The following PSMD2 variants were observed in gnomAD, a reference collection of about 807,000 sequenced individuals.
PSMD2 encodes 26S proteasome non-ATPase regulatory subunit 2.
PSMD2 carries 8 observed loss-of-function variants against 101.5 expected under a neutral mutation model. The observed-to-expected ratio is 0.08, with a 90% CI of 0.05 to 0.14. The LOEUF (loss-of-function observed/expected upper bound fraction) is 0.14, where lower values mean the gene tolerates loss of function less well. Among genes scored for constraint, PSMD2 ranks in the 10% least tolerant of loss-of-function variants. PSMD2 has a pLI of 1.00. For missense variants in PSMD2, 784 were observed against 1,147.4 expected, an observed-to-expected ratio of 0.68 and a Z score of 4.58; for synonymous variants, 418 against 433.8, an observed-to-expected ratio of 0.96 and a Z score of 0.45.
chr3:184,306,160 G>T lies in PSMD2; in HGVS notation c.1804+5G>T, dbSNP rs768574591. On this transcript the variant is annotated splice_donor_5th_base_variant and intron_variant, in intron 14 of 20. Coordinates refer to ENST00000310118, the MANE Select transcript of PSMD2 (RefSeq NM_002808.5). ...TGGATGTGTGTGCATATGCAGGTCTGTGTCTTTATGAGTCTGTCTTGTGCT... is the reference window on the plus strand; with the variant it reads ...TGGATGTGTGTGCATATGCAGGTCTTTGTCTTTATGAGTCTGTCTTGTGCT... 5.6e-6 allele frequency: 9 copies of T among 1,613,986 alleles called. No homozygotes were observed. Among genetic ancestry groups the T allele is most frequent in the Admixed American group, 5.0e-5 (3 of 60,008 alleles).
chr3:184,299,435 C>T, intron 1 of PSMD2, 34 bp downstream of exon 1: 1 of 1,328,744 alleles, frequency 7.5e-7, no homozygotes, highest in South Asian at 1.9e-5. Context: ...GCGAAGGAGG[C>T]TGCGGGGCTG....
At chr3:184,307,588 A>G in intron 17 of PSMD2, 26 bp from the exon 18 acceptor site, 1 of 1,613,874 alleles carries the variant, frequency 6.2e-7, no homozygotes, top group Admixed American at 1.7e-5. Context: ...CCCTTTTTTC[A>G]CTTCTGTAAT....
rs751267908 is a variant in PSMD2 at position 184,304,114 on chromosome 3, G to A, written c.1451+40G>A. On this transcript the variant is annotated intron_variant, in intron 11 of 20. Coordinates refer to ENST00000310118, the MANE Select transcript of PSMD2 (RefSeq NM_002808.5). The surrounding 1 kb of genome is among the most constrained non-coding windows in gnomAD (Gnocchi z 4.1). ...TTGTCTTTCTGGTAGTGCTCAGCCT[G>A]TACACTCTGGAGAACAGGAACTGGG... 1.2e-6 allele frequency: 2 copies of A among 1,611,356 alleles called. No individual in the cohort carries two copies. Among genetic ancestry groups the A allele is most frequent in the Admixed American group, 1.7e-5 (1 of 60,020 alleles).
rs186316019 is a variant in PSMD2, at chr3:184,308,624, C to G, written c.2544+57C>G. On this transcript the variant is annotated intron_variant, in intron 20 of 20. Coordinates refer to ENST00000310118, the MANE Select transcript of PSMD2 (RefSeq NM_002808.5). The surrounding 1 kb of genome is among the most constrained non-coding windows in gnomAD (Gnocchi z 6.0). ...CTGTATTCTCAAACTGGAGAATGTA[C>G]ATATACTTGCTTTGCTGAAACTGGC... 2 of 1,584,164 alleles carry G rather than the reference C, an allele frequency of 1.3e-6. No homozygotes were observed. The highest frequency in any genetic ancestry group is 1.7e-5 in the Admixed American group (1 of 59,214).
At position 184,300,388 on chromosome 3, in the gene PSMD2, C is replaced by T. The variant is rs760497021; in HGVS notation, c.301C>T (p.Pro101Ser). Residue 101 changes from proline to serine, a missense_variant, in exon 3 of 21, where the codon CCA becomes TCA. Transcript: ENST00000310118. ...GCCCAAGCCTCTCAAATTTCTGCGTCCACACTATGGCAAACTGAAGGAAAT... is the reference window on the plus strand; with the variant it reads ...GCCCAAGCCTCTCAAATTTCTGCGTTCACACTATGGCAAACTGAAGGAAAT... ...SVPKPLKFLR[P>S]HYGKLKEIYE... 5.6e-6 allele frequency: 9 copies of T among 1,614,022 alleles called. No individual in the cohort carries two copies. The highest frequency in any genetic ancestry group is 7.6e-6 in the Non-Finnish European group (9 of 1,179,992).
At chr3:184,301,483 C>T in intron 3 of PSMD2, 54 bp from the exon 4 acceptor site, 4 of 1,601,672 alleles carry the variant, frequency 2.5e-6, no homozygotes, top group Non-Finnish European at 3.4e-6. Flanking sequence ...ACAATGCATG[C>T]TCCCTTTATG....
At chr3:184,307,737 T>A (rs1275428160) in intron 18 of PSMD2, 29 bp downstream of exon 18, 4 of 1,610,722 alleles carry the variant, frequency 2.5e-6, no homozygotes, top group Non-Finnish European at 3.4e-6. Context: ...CCACAGAGCG[T>A]GCCGGGGAAG....
intron 15 of PSMD2, 41 bp downstream of exon 15, chr3:184,306,536 A>C (rs1383972890): frequency 6.3e-7 from 1 of 1,598,896 alleles, no homozygotes; most frequent in East Asian, 2.2e-5. Context: ...GGCTGTGAGA[A>C]GAGATAAGCA....
Position 184,303,985 on chromosome 3 carries a change from G to T in PSMD2, c.1362G>T (p.Gly454=). The T allele has an allele frequency of 6.2e-7, 1 of 1,614,214 alleles. No homozygotes were observed. The highest frequency in any genetic ancestry group is 1.7e-5 in the Admixed American group (1 of 60,022). ...ALLACGIVNS[G]VRNECDPALA... ...TTGCCTGTGGCATAGTGAACTCTGGGGTCCGGAATGAGTGTGACCCTGCTC... is the reference window on the plus strand; with the variant it reads ...TTGCCTGTGGCATAGTGAACTCTGGTGTCCGGAATGAGTGTGACCCTGCTC... The change falls in exon 11 of 21, where the codon GGG becomes GGT. Residue 454 remains glycine (G), a synonymous_variant. Coordinates refer to ENST00000310118, the MANE Select transcript of PSMD2 (RefSeq NM_002808.5).
intron 16 of PSMD2, among the ~76,000 whole-genome samples, chr3:184,307,055 C>G (rs1224963001): frequency 3.9e-5 from 6 of 152,170 alleles, no homozygotes; most frequent in Non-Finnish European, 7.4e-5. Context: ...GGTGATTCTC[C>G]TGCCTCAGCC....
rs554828831 is a variant in PSMD2, at chr3:184,302,078, G to C, written c.704+7G>C. Reference sequence around the variant, plus strand: ...TCTGCCTTTATCTCACCAGGTGAGTGAACATGGTAGGGAAGGGTGGCAGGC... The same window carrying C: ...TCTGCCTTTATCTCACCAGGTGAGTCAACATGGTAGGGAAGGGTGGCAGGC... On this transcript the variant is annotated splice_region_variant and intron_variant, in intron 5 of 20. Transcript: ENST00000310118. 14 of 1,612,580 alleles carry C rather than the reference G, an allele frequency of 8.7e-6. No homozygotes were observed. In the African/African-American group the frequency reaches 9.3e-5, roughly 11 times the overall value.
chr3:184,304,528 G>T lies in PSMD2; in HGVS notation c.1539+137G>T. Reference sequence around the variant, plus strand: ...CATGCCTGTTGGTGTGTATTGAGGGGCGTCACCTCAGTGAAACCCCTTGAT... The same window carrying T: ...CATGCCTGTTGGTGTGTATTGAGGGTCGTCACCTCAGTGAAACCCCTTGAT... On this transcript the variant is annotated intron_variant, in intron 12 of 20. Transcript: ENST00000310118. The surrounding 1 kb of genome is among the most constrained non-coding windows in gnomAD (Gnocchi z 4.1). 1 of 857,070 alleles carries T rather than the reference G, an allele frequency of 1.2e-6. No homozygotes were observed. The highest frequency in any genetic ancestry group is 1.9e-6 in the Non-Finnish European group (1 of 532,338). The allele number at this position is 857,070 out of a possible 1,614,324, so 53.1% of individuals were successfully genotyped here. A position where few individuals can be genotyped will look rare whatever the true frequency, so the allele number is the denominator to read the frequency against.
intron 8 of PSMD2, 25 bp from the exon 9 acceptor site, chr3:184,303,295 A>C (rs1424565049): frequency 5.6e-6 from 9 of 1,603,326 alleles, no homozygotes. Flanking sequence ...TTCTTTCCTT[A>C]CTTTTCCTCT....
At position 184,299,261 on chromosome 3, in the gene PSMD2, G is replaced by A; in HGVS notation, c.-6G>A. 1 of 1,339,188 alleles carries A rather than the reference G, an allele frequency of 7.5e-7. No individual in the cohort carries two copies. Among genetic ancestry groups the A allele is most frequent in the South Asian group, 1.8e-5 (1 of 55,554 alleles). 83.0% of individuals were successfully genotyped at this position (1,339,188 alleles called of 1,614,324 possible). ...CGCGCGCAGCGGGCCGGCAGTGGCG[G>A]CGGAGATGGAGGAGGGAGGCCGGGA... On this transcript the variant is annotated 5_prime_UTR_variant, in exon 1 of 21. Transcript: ENST00000310118.
rs748055546 is a variant in PSMD2, at chr3:184,306,376, C to G, written c.1831C>G (p.Gln611Glu). The G allele has an allele frequency of 6.2e-7, 1 of 1,614,166 alleles. No individual in the cohort carries two copies. The highest frequency in any genetic ancestry group is 1.7e-5 in the Admixed American group (1 of 60,030). Residue 611 changes from glutamine to glutamate, a missense_variant, in exon 15 of 21, where the codon CAG becomes GAG. Physicochemically the swap from Gln to Glu is conservative, Grantham distance 29. Around this residue, in one of 6 missense-constraint regions of PSMD2, gnomAD observed 282 missense variants for 437.6 expected, o/e 0.64. Transcript: ENST00000310118. ...AGSGNVLKVQ[Q>E]LLHICSEHFD... ...CTCTGGGAATGTGCTGAAGGTGCAGCAGCTGCTCCACATTTGTAGCGAACA... is the reference window on the plus strand; with the variant it reads ...CTCTGGGAATGTGCTGAAGGTGCAGGAGCTGCTCCACATTTGTAGCGAACA...
In PSMD2 at chr3:184,299,335, C is replaced by T; in HGVS notation, c.69C>T (p.Gly23=). Residue 23 remains glycine, a synonymous_variant, in exon 1 of 21, where the codon GGC becomes GGT. Coordinates refer to ENST00000310118, the MANE Select transcript of PSMD2 (RefSeq NM_002808.5). ...PQQSPAAAPG[G]TDEKPSGKER... ...AGTCTCCAGCGGCGGCCCCCGGCGG[C>T]ACGGACGAGAAGCCGAGCGGCAAGG... The T allele has an allele frequency of 1.4e-6, 2 of 1,411,418 alleles. No homozygotes were observed. Among genetic ancestry groups the T allele is most frequent in the Non-Finnish European group, 1.8e-6 (2 of 1,086,150 alleles). The allele number at this position is 1,411,418 out of a possible 1,614,324, so 87.4% of individuals were successfully genotyped here. A position where few individuals can be genotyped will look rare whatever the true frequency, so the allele number is the denominator to read the frequency against.
Position 184,302,476 on chromosome 3 carries a change from A to G in PSMD2, c.811A>G (p.Met271Val). Residue 271 changes from methionine (M) to valine (V), a missense_variant, in exon 6 of 21, where the codon ATG becomes GTG. By Grantham distance (21) the Met-to-Val change is conservative. Transcript: ENST00000310118. The part of the protein sequence containing the change: ...RFPEALRLAL[M>V]LNDMELVEDI... ...CCCTGAAGCTCTGAGATTGGCATTG[A>G]TGCTCAATGACATGGAGTTGGTAGA... 5 of 1,614,156 alleles carry G rather than the reference A, an allele frequency of 3.1e-6. No homozygotes were observed. The highest frequency in any genetic ancestry group is 4.2e-6 in the Non-Finnish European group (5 of 1,180,026).
rs1721656559 is a variant in PSMD2 at position 184,301,915 on chromosome 3, C to G, written c.548C>G (p.Pro183Arg). 2 of 1,614,088 alleles carry G rather than the reference C, an allele frequency of 1.2e-6. No individual in the cohort carries two copies. The highest frequency in any genetic ancestry group is 1.3e-5 in the African/African-American group (1 of 74,926). Residue 183 changes from proline (P) to arginine (R), a missense_variant, in exon 5 of 21, where the codon CCT (proline) becomes CGT (arginine). Around this residue, in one of 6 missense-constraint regions of PSMD2, gnomAD observed 208 missense variants for 301.6 expected, o/e 0.69. Transcript: ENST00000310118. ...GACGCAGAGAAGGTCCAGCGGGAGC[C>G]TCTGCTCACTCTGGTGAAGGAAATC... Reference protein sequence around the residue: ...LDDAEKVQREPLLTLVKEIVP... With the variant: ...LDDAEKVQRERLLTLVKEIVP...
At chr3:184,306,558 C>T (rs1198625283) in intron 15 of PSMD2, 63 bp downstream of exon 15, 1 of 1,569,130 alleles carries the variant, frequency 6.4e-7, no homozygotes, top group African/African-American at 1.4e-5. Context: ...ATAGGGGAGG[C>T]TGGGTTTGGT....
Sources: gnomAD v4.1 joint callset for allele counts (sites outside exome capture counted in the v4.1 genomes callset) on GRCh38, gnomAD v4.1.1 for gene constraint, gnomAD v4.1.1 regional missense constraint, Gnocchi (gnomAD v3.1) non-coding constraint, MANE v1.5 for transcripts, NCBI Gene and HGNC (gene_info 2026-07-23, HGNC 2026-07-21) for gene names.